Variants in MEF2C observed in about 807,000 individuals in gnomAD.
The protein encoded by MEF2C is myocyte-specific enhancer factor 2C.
In MEF2C, 6 loss-of-function variants were observed where a neutral mutation model predicts 50.5. That is an observed-to-expected ratio of 0.12 (90% CI 0.07 to 0.23). The LOEUF is 0.23. Ranked by LOEUF, MEF2C falls within the 10% of genes least tolerant of loss-of-function variation. The pLI, the probability that MEF2C is intolerant of heterozygous loss-of-function variation, is 1.00. For missense variants in MEF2C, 276 were observed against 605.0 expected (o/e 0.46, Z 5.70); for synonymous variants, 183 against 228.0 (o/e 0.80, Z 1.78).
chr5:88,820,719 C>T (rs1203917936), intron 2 of MEF2C, among the ~76,000 whole-genome samples: 1 of 151,960 alleles, frequency 6.6e-6, no homozygotes, highest in Non-Finnish European at 1.5e-5. Flanking sequence ...TTCTTTGCAA[C>T]ATGTGAATAC....
rs1027735964 is a variant in MEF2C, at chr5:88,722,310, T to G, written c.*294A>C. 1 of 316,618 alleles carries G rather than the reference T, an allele frequency of 3.2e-6. No homozygotes were observed. Among genetic ancestry groups the G allele is most frequent in the Non-Finnish European group, 5.8e-6 (1 of 171,084 alleles). The allele number at this position is 316,618 out of a possible 1,614,324, so 19.6% of individuals were successfully genotyped here. A position where few individuals can be genotyped will look rare whatever the true frequency, so the allele number is the denominator to read the frequency against. ...TGAACCTGCAACATGACACTATCTA[T>G]TGTAACATACATTTTGCAAAGGAGC... On this transcript the variant is annotated 3_prime_UTR_variant, in exon 11 of 11. Coordinates refer to ENST00000504921, the MANE Select transcript of MEF2C (RefSeq NM_002397.5).
chr5:88,806,927 A>G (rs926695090), intron 2 of MEF2C, among the ~76,000 whole-genome samples: 1 of 152,228 alleles, frequency 6.6e-6, no homozygotes, highest in Non-Finnish European at 1.5e-5. Flanking sequence ...GTGTGGGCAC[A>G]TGGTAAAAAT....
At chr5:88,796,598 A>AT (rs1304519542) in intron 3 of MEF2C, among the ~76,000 whole-genome samples, 20 of 152,174 alleles carry the variant, frequency 1.3e-4, no homozygotes, top group African/African-American at 4.1e-4. Flanking sequence ...AGATTCACTG[A>AT]TTTTTTGAAG....
chr5:88,833,614 T>C lies in MEF2C; in HGVS notation c.-142-9684A>G, dbSNP rs1813889041. ...TGAACCTCATCAAAGTAAGAGCTCATAATTTGTCACAGAAAACAGCCAATT... is the reference window on the plus strand; with the variant it reads ...TGAACCTCATCAAAGTAAGAGCTCACAATTTGTCACAGAAAACAGCCAATT... On this transcript the variant is annotated intron_variant, in intron 1 of 10. Transcript: ENST00000504921. Among the ~76,000 whole-genome samples, 3 of 152,140 alleles carry C rather than the reference T, an allele frequency of 2.0e-5. No individual in the cohort carries two copies. The South Asian group carries it at 6.2e-4, about 31-fold the overall frequency.
chr5:88,871,705 A>G (rs557840818), intron 1 of MEF2C, among the ~76,000 whole-genome samples: 1 of 152,068 alleles, frequency 6.6e-6, no homozygotes, highest in Non-Finnish European at 1.5e-5. Context: ...AGTAATACTC[A>G]CATTTTTAAA....
intron 2 of MEF2C, among the ~76,000 whole-genome samples, chr5:88,811,493 T>G (rs1802783141): frequency 1.3e-5 from 2 of 152,088 alleles, no homozygotes; most frequent in African/African-American, 4.8e-5. Flanking sequence ...TTTAAAATAT[T>G]TATTCTAATT....
At chr5:88,737,610 A>G (rs1176970104) in intron 6 of MEF2C, 1 of 985,304 alleles carries the variant, frequency 1.0e-6, no homozygotes, top group Non-Finnish European at 1.2e-6. Context: ...AGGGAAAAGA[A>G]TGGTGGCAGG....
At chr5:88,734,723 A>G (rs1013140069) in intron 6 of MEF2C, 2 of 983,392 alleles carry the variant, frequency 2.0e-6, no homozygotes, top group African/African-American at 3.5e-5. Flanking sequence ...GTAGCTTTTC[A>G]TTCAGTAAAT....
chr5:88,866,902 G>T (rs1581757426), intron 1 of MEF2C, among the ~76,000 whole-genome samples: 1 of 152,058 alleles, frequency 6.6e-6, no homozygotes, highest in South Asian at 2.1e-4. Context: ...TCACATTTTT[G>T]AATTAAAACC....
At chr5:88,793,018 T>A (rs1275315344) in intron 3 of MEF2C, among the ~76,000 whole-genome samples, 1 of 152,184 alleles carries the variant, frequency 6.6e-6, no homozygotes, top group African/African-American at 2.4e-5. Context: ...GGGAATATGA[T>A]GGTGAGCAAA....
chr5:88,777,342 C>T (rs568280632), intron 3 of MEF2C, among the ~76,000 whole-genome samples: 7 of 152,234 alleles, frequency 4.6e-5, no homozygotes, highest in African/African-American at 7.2e-5. Flanking sequence ...GGACTGAGCC[C>T]GTGGCTTTGC....
intron 1 of MEF2C, among the ~76,000 whole-genome samples, chr5:88,880,624 AG>A (rs1417390077): frequency 2.6e-5 from 4 of 152,190 alleles, no homozygotes; most frequent in Admixed American, 1.3e-4. Flanking sequence ...ATACGTTTGC[AG>A]TGTTATGGAA....
At chr5:88,754,419 A>G (rs1039060604) in intron 4 of MEF2C, among the ~76,000 whole-genome samples, 5 of 152,140 alleles carry the variant, frequency 3.3e-5, no homozygotes, top group African/African-American at 1.2e-4. Flanking sequence ...CCTTAACTCT[A>G]CCCATCTGTA....
chr5:88,733,964 T>C, intron 6 of MEF2C: 1 of 985,232 alleles, frequency 1.0e-6, no homozygotes, highest in Non-Finnish European at 1.2e-6. Flanking sequence ...TTACAGTAAA[T>C]TCGAACAGTA....
chr5:88,773,191 C>T (rs1580442707), intron 3 of MEF2C, among the ~76,000 whole-genome samples: 1 of 152,202 alleles, frequency 6.6e-6, no homozygotes, highest in South Asian at 2.1e-4. Flanking sequence ...ATGGATGACA[C>T]TCAATAAATG....
intron 4 of MEF2C, among the ~76,000 whole-genome samples, chr5:88,759,377 G>A (rs904239834): frequency 2.0e-5 from 3 of 152,200 alleles, no homozygotes; most frequent in African/African-American, 7.2e-5. Flanking sequence ...AGCTATTCGG[G>A]AGGCTGAGGC....
chr5:88,869,270 TATATATACATATATATATATATATAC>T (rs1351991009), intron 1 of MEF2C, among the ~76,000 whole-genome samples: 1 of 54,586 alleles, frequency 1.8e-5, no homozygotes, highest in Non-Finnish European at 3.3e-5. Flanking sequence ...TATATATATA[TATATATACATATATATATATATATAC>T]ACATATATAT....
intron 1 of MEF2C, among the ~76,000 whole-genome samples, chr5:88,858,985 A>C (rs759001807): frequency 3.3e-5 from 5 of 152,132 alleles, no homozygotes; most frequent in Non-Finnish European, 7.4e-5. Context: ...ACATCTCGAC[A>C]TTGTTTTCAT....
chr5:88,808,303 C>G (rs1801390729), intron 2 of MEF2C, among the ~76,000 whole-genome samples: 1 of 152,176 alleles, frequency 6.6e-6, no homozygotes, highest in South Asian at 2.1e-4. Flanking sequence ...TCTAAAACCA[C>G]TTTTAATCAG....
Sources: allele counts gnomAD v4.1 joint callset (sites outside exome capture counted in the v4.1 genomes callset), GRCh38; gene constraint gnomAD v4.1.1; transcripts MANE v1.5; gene names NCBI Gene and HGNC (gene_info 2026-07-23, HGNC 2026-07-21).